Variants in C9orf85 observed in about 807,000 individuals in gnomAD.
C9orf85 encodes the protein uncharacterized protein C9orf85.
In C9orf85, 16 loss-of-function variants were observed where a neutral mutation model predicts 14.9. The observed-to-expected ratio is 1.08, with a 90% CI of 0.73 to 1.63. C9orf85 has a LOEUF of 1.63. Among genes scored for constraint, C9orf85 ranks in the 40% most tolerant of loss-of-function variants. The pLI is 0.00. For synonymous variants in C9orf85, 45 were observed against 56.8 expected, an observed-to-expected ratio of 0.79 and a Z score of 0.93; for missense variants, 172 against 186.1, an observed-to-expected ratio of 0.92 and a Z score of 0.44.
At position 71,960,342 on chromosome 9, in the gene C9orf85, CTT is replaced by C. The variant is rs367576429; in HGVS notation, c.210-11162_210-11161del. Among the ~76,000 whole-genome samples the C allele has an allele frequency of 4.0e-4, 61 of 152,190 alleles. 2 individuals carry two copies. Among genetic ancestry groups the C allele is most frequent in the African/African-American group, 1.4e-3 (57 of 41,516 alleles). ...ATTATCATTTCTTCATTCATTTGCT[CTT>C]GTTACTTTTTCTTTTTTCTCATTGC... On this transcript the variant is annotated intron_variant, in intron 2 of 3. Transcript: ENST00000334731.
rs55750667 is a variant in C9orf85, at chr9:71,967,713, C to CTTTTTTT, written c.210-3776_210-3770dup. Among the ~76,000 whole-genome samples, 80 of 94,062 alleles carry CTTTTTTT rather than the reference C, an allele frequency of 8.5e-4. 3 individuals are homozygous for CTTTTTTT. The highest frequency in any genetic ancestry group is 3.1e-3 in the African/African-American group (64 of 20,900). 61.7% of individuals were successfully genotyped at this position (94,062 alleles called of 152,430 possible). A position where few individuals can be genotyped will look rare whatever the true frequency, so the allele number is the denominator to read the frequency against. ...CTTCTTTTCAATCTCTATGACCTTT[C>CTTTTTTT]TTTTTTTTTTTTTTTTTTTTTTGGC... On this transcript the variant is annotated intron_variant, in intron 2 of 3. Coordinates refer to ENST00000334731, the MANE Select transcript of C9orf85 (RefSeq NM_182505.5).
chr9:71,929,002 G>GA (rs1828001080), intron 1 of C9orf85, among the ~76,000 whole-genome samples: 1 of 152,092 alleles, frequency 6.6e-6, no homozygotes. Flanking sequence ...ATTTCTTCCT[G>GA]ATGTGAGTTG....
At position 71,932,411 on chromosome 9, in the gene C9orf85, C is replaced by G. The variant is rs377285461; in HGVS notation, c.103-14595C>G. Among the ~76,000 whole-genome samples the G allele has an allele frequency of 9.4e-4, 143 of 152,226 alleles. 1 individual carries two copies. The highest frequency in any genetic ancestry group is 2.7e-3 in the African/African-American group (113 of 41,540). ...CAACAGAAACTCCTGAGTTATAAAA[C>G]CACAATCTCAGAAGGTAGGGCCTGG... On this transcript the variant is annotated intron_variant, in intron 1 of 3. Transcript: ENST00000334731.
intron 1 of C9orf85, among the ~76,000 whole-genome samples, chr9:71,917,105 A>G (rs1410506738): frequency 6.6e-6 from 1 of 152,230 alleles, no homozygotes; most frequent in African/African-American, 2.4e-5. Context: ...TCAAAGGGCA[A>G]GTAAATCAAA....
chr9:71,933,822 TGAAGA>T (rs1194553833), intron 1 of C9orf85, among the ~76,000 whole-genome samples: 1 of 152,210 alleles, frequency 6.6e-6, no homozygotes, highest in Non-Finnish European at 1.5e-5. Context: ...ATTTTCTTTT[TGAAGA>T]GCCTTCAGAA....
At chr9:71,976,830 A>T (rs1482097851), downstream of C9orf85, among the ~76,000 whole-genome samples, 3 of 151,924 alleles carry the variant, frequency 2.0e-5, no homozygotes, top group Non-Finnish European at 4.4e-5. Flanking sequence ...ACTTCTCTAC[A>T]TACTAGAATA....
At chr9:71,931,925 C>T (rs527345603) in intron 1 of C9orf85, among the ~76,000 whole-genome samples, 1 of 152,074 alleles carries the variant, frequency 6.6e-6, no homozygotes, top group African/African-American at 2.4e-5. Flanking sequence ...GCTTTAGCTG[C>T]CTAGGGCAGT....
chr9:71,975,334 C>G (rs7853664), downstream of C9orf85, among the ~76,000 whole-genome samples: 151,434 of 151,932 alleles, frequency 1, 75,475 homozygotes, highest in Middle Eastern at 1. Flanking sequence ...CCAGCTACTC[C>G]GGAGGCTGAG....
intron 2 of C9orf85, among the ~76,000 whole-genome samples, chr9:71,969,811 C>T (rs1822808796): frequency 6.6e-6 from 1 of 151,770 alleles, no homozygotes; most frequent in Non-Finnish European, 1.5e-5. Context: ...TGTGTGAATT[C>T]CTCTTTGATC....
intron 1 of C9orf85, among the ~76,000 whole-genome samples, chr9:71,920,643 T>C (rs1827775372): frequency 6.6e-6 from 1 of 152,170 alleles, no homozygotes; most frequent in Non-Finnish European, 1.5e-5. Flanking sequence ...AGGTATACAG[T>C]GAATCCTGCA....
chr9:71,921,459 C>A (rs1364190257), intron 1 of C9orf85, among the ~76,000 whole-genome samples: 1 of 152,232 alleles, frequency 6.6e-6, no homozygotes, highest in African/African-American at 2.4e-5. Flanking sequence ...ATCTTTGAAT[C>A]CACATATGAT....
chr9:71,981,380 G>A (rs1823092631), intron 3 of C9orf85, among the ~76,000 whole-genome samples: 1 of 152,146 alleles, frequency 6.6e-6, no homozygotes, highest in Non-Finnish European at 1.5e-5. Context: ...AATAAATCAT[G>A]TTCTTCCCAG....
In C9orf85 at chr9:71,971,438, A is replaced by C. The variant is rs576679111; in HGVS notation, c.210-67A>C. On this transcript the variant is annotated intron_variant, in intron 2 of 3. Transcript: ENST00000334731. Reference sequence around the variant, plus strand: ...AGGCTTTTTAACTATACATTTAGACACATCTTATTTTATCAAATAAGTCTG... The same window carrying C: ...AGGCTTTTTAACTATACATTTAGACCCATCTTATTTTATCAAATAAGTCTG... 2.4e-5 allele frequency: 23 copies of C among 939,264 alleles called. No homozygotes were observed. In the Admixed American group the frequency reaches 6.1e-4, roughly 25 times the overall value. The allele number at this position is 939,264 out of a possible 1,614,324, so 58.2% of individuals were successfully genotyped here.
downstream of C9orf85, among the ~76,000 whole-genome samples, chr9:71,975,552 G>A (rs946554206): frequency 1.3e-5 from 2 of 151,942 alleles, no homozygotes; most frequent in Non-Finnish European, 2.9e-5. Context: ...GTTCTGTCCC[G>A]CTGGGCGTGT....
At chr9:71,919,275 G>A (rs1410198761) in intron 1 of C9orf85, among the ~76,000 whole-genome samples, 1 of 152,184 alleles carries the variant, frequency 6.6e-6, no homozygotes, top group Non-Finnish European at 1.5e-5. Flanking sequence ...ATTGGTTCAT[G>A]TAATCCCTGG....
At chr9:71,965,643 G>A (rs1822670742) in intron 2 of C9orf85, among the ~76,000 whole-genome samples, 1 of 152,156 alleles carries the variant, frequency 6.6e-6, no homozygotes, top group Non-Finnish European at 1.5e-5. Context: ...ATGTTGCCCA[G>A]GCTGTTCTCT....
At chr9:71,923,744 T>A (rs190492388) in intron 1 of C9orf85, among the ~76,000 whole-genome samples, 68 of 152,312 alleles carry the variant, frequency 4.5e-4, no homozygotes, top group Admixed American at 3.9e-3. Flanking sequence ...CCAATGTCTG[T>A]ACCCATATAT....
downstream of C9orf85, among the ~76,000 whole-genome samples, chr9:71,975,832 CAAAAG>C (rs901470388): frequency 3.9e-5 from 6 of 152,200 alleles, no homozygotes; most frequent in Non-Finnish European, 8.8e-5. Flanking sequence ...AACTCTGTCT[CAAAAG>C]AAATAAATTT....
intron 2 of C9orf85, among the ~76,000 whole-genome samples, chr9:71,950,012 C>G (rs1822204980): frequency 6.6e-6 from 1 of 152,100 alleles, no homozygotes; most frequent in Non-Finnish European, 1.5e-5. Flanking sequence ...TTTGGGGTAG[C>G]ATGTTCTGAA....
Sources: allele counts gnomAD v4.1 joint callset (sites outside exome capture counted in the v4.1 genomes callset), GRCh38; gene constraint gnomAD v4.1.1; transcripts MANE v1.5; gene names NCBI Gene and HGNC (gene_info 2026-07-23, HGNC 2026-07-21).